Variants in C7orf78 observed in about 807,000 individuals in gnomAD.
C7orf78 encodes chromosome 7 open reading frame 78, also known as putative uncharacterized protein C7orf78.
At chr7:12,531,214 A>G in the C7orf78 span, 201 of 393,700 alleles carry the variant, frequency 5.1e-4, no homozygotes, top group East Asian at 4.6e-3. Flanking sequence ...CATAGGAACT[A>G]TAAGTGAAAT....
At chr7:12,517,411 A>T in the C7orf78 span, among the ~76,000 whole-genome samples, 2 of 152,172 alleles carry the variant, frequency 1.3e-5, no homozygotes, top group African/African-American at 4.8e-5. Flanking sequence ...ACAGATTAAT[A>T]TGATGTCTAA....
the C7orf78 span, among the ~76,000 whole-genome samples, chr7:12,489,744 T>C: frequency 6.6e-6 from 1 of 152,154 alleles, no homozygotes; most frequent in Non-Finnish European, 1.5e-5. Flanking sequence ...AAAATTGCTA[T>C]GTAGGACATA....
chr7:12,516,414 G>A, the C7orf78 span, among the ~76,000 whole-genome samples: 1 of 152,232 alleles, frequency 6.6e-6, no homozygotes, highest in Non-Finnish European at 1.5e-5. Flanking sequence ...TGCAGGAGCG[G>A]GGCACTCATG....
At chr7:12,486,677 G>A in the C7orf78 span, among the ~76,000 whole-genome samples, 4 of 151,902 alleles carry the variant, frequency 2.6e-5, no homozygotes, top group African/African-American at 9.7e-5. Flanking sequence ...AGTCAACATT[G>A]TGGGCTCTGG....
the C7orf78 span, among the ~76,000 whole-genome samples, chr7:12,494,372 T>A: frequency 3.3e-5 from 5 of 152,082 alleles, no homozygotes; most frequent in East Asian, 9.7e-4. Flanking sequence ...TCCCACTTAG[T>A]CAAGGGAGCA....
chr7:12,487,715 G>C, the C7orf78 span, among the ~76,000 whole-genome samples: 100 of 152,150 alleles, frequency 6.6e-4, no homozygotes, highest in Non-Finnish European at 1.2e-3. Flanking sequence ...AGCCAGCGTA[G>C]CGGAAAAATT....
chr7:12,487,830 G>T, the C7orf78 span, among the ~76,000 whole-genome samples: 8 of 152,190 alleles, frequency 5.3e-5, no homozygotes, highest in African/African-American at 1.9e-4. Flanking sequence ...ACAAGTCAAT[G>T]TACTTGTTTA....
chr7:12,488,104 A>G, the C7orf78 span, among the ~76,000 whole-genome samples: 1 of 152,104 alleles, frequency 6.6e-6, no homozygotes, highest in Non-Finnish European at 1.5e-5. Context: ...TTGGAAGGTG[A>G]CTAAGCTGAA....
chr7:12,496,675 C>G, the C7orf78 span: 1 of 152,154 alleles, frequency 6.6e-6, no homozygotes, highest in East Asian at 1.9e-4. Flanking sequence ...TTATAATTTA[C>G]TTGAAATCTG....
At chr7:12,485,666 G>A in the C7orf78 span, among the ~76,000 whole-genome samples, 189 of 574 alleles carry the variant, frequency 0.33, 18 homozygotes, top group South Asian at 0.5. Context: ...CTAATTGCCT[G>A]AAATCCAAAT....
chr7:12,503,652 ACAGCGTG>A, the C7orf78 span, among the ~76,000 whole-genome samples: 1 of 152,132 alleles, frequency 6.6e-6, no homozygotes, highest in South Asian at 2.1e-4. Flanking sequence ...GTACATGTGC[ACAGCGTG>A]CAGGTTTGTT....
At chr7:12,530,896 T>G in the C7orf78 span, 1 of 394,256 alleles carries the variant, frequency 2.5e-6, no homozygotes. Context: ...GATGTGAATC[T>G]GGAATACAGA....
chr7:12,513,429 C>T, the C7orf78 span, among the ~76,000 whole-genome samples: 2 of 152,008 alleles, frequency 1.3e-5, no homozygotes, highest in East Asian at 1.9e-4. Context: ...CTGTATCCCA[C>T]AGCTTTTGGT....
the C7orf78 span, among the ~76,000 whole-genome samples, chr7:12,490,730 A>G: frequency 6.6e-6 from 1 of 152,154 alleles, no homozygotes; most frequent in African/African-American, 2.4e-5. Context: ...AGACAAAAAC[A>G]AAACATCAAT....
At chr7:12,503,820 G>C in the C7orf78 span, among the ~76,000 whole-genome samples, 10 of 152,192 alleles carry the variant, frequency 6.6e-5, no homozygotes, top group Admixed American at 6.5e-4. Context: ...CATAAATTAT[G>C]TAGCAGAGGC....
chr7:12,483,469 A>G, the C7orf78 span: 7 of 152,208 alleles, frequency 4.6e-5, no homozygotes, highest in African/African-American at 1.7e-4. Flanking sequence ...AGTCGATCTC[A>G]TATTTTGCAC....
the C7orf78 span, chr7:12,523,396 T>C: frequency 2.5e-6 from 1 of 398,312 alleles, no homozygotes; most frequent in East Asian, 3.6e-5. Flanking sequence ...GGGGTGTATA[T>C]GTCAATCCCA....
At chr7:12,497,558 A>G in the C7orf78 span, among the ~76,000 whole-genome samples, 1 of 152,038 alleles carries the variant, frequency 6.6e-6, no homozygotes. Flanking sequence ...ATGAGATTAT[A>G]CCCTGCACCC....
chr7:12,535,023 CAG>C, the C7orf78 span, among the ~76,000 whole-genome samples: 2 of 76,292 alleles, frequency 2.6e-5, no homozygotes, highest in Admixed American at 1.3e-4. Context: ...AGGAAGGAAA[CAG>C]ATTTCATACA....
Sources: allele counts gnomAD v4.1 joint callset (sites outside exome capture counted in the v4.1 genomes callset), GRCh38; gene constraint gnomAD v4.1.1; transcripts MANE v1.5; gene names NCBI Gene and HGNC (gene_info 2026-07-23, HGNC 2026-07-21).